The following PSD3 variants were observed in gnomAD, a reference collection of about 807,000 sequenced individuals.
PSD3 encodes the protein PH and SEC7 domain-containing protein 3.
In PSD3, 49 loss-of-function variants were observed where a neutral mutation model predicts 105.5. That is an observed-to-expected ratio of 0.46 (90% confidence interval 0.37 to 0.59). PSD3 has a LOEUF of 0.59. Among genes scored for constraint, PSD3 ranks in the 20% least tolerant of loss-of-function variants. PSD3 has a pLI of 0.00. For missense variants in PSD3, 1,561 were observed against 1,263.8 expected, an observed-to-expected ratio of 1.24 and a Z score of -3.57; for synonymous variants, 557 against 457.8, an observed-to-expected ratio of 1.22 and a Z score of -2.77.
intron 9 of PSD3, among the ~76,000 whole-genome samples, chr8:18,713,889 G>C (rs1460358323): frequency 6.6e-6 from 1 of 152,046 alleles, no homozygotes; most frequent in African/African-American, 2.4e-5. Context: ...TATACTACAA[G>C]TCTACAGTAA....
At chr8:18,852,294 A>T (rs1042594175) in intron 4 of PSD3, among the ~76,000 whole-genome samples, 1 of 152,192 alleles carries the variant, frequency 6.6e-6, no homozygotes, top group African/African-American at 2.4e-5. Flanking sequence ...CAGAGAAGCT[A>T]AGCAGCTTTC....
chr8:18,797,456 A>C (rs1483580735), intron 8 of PSD3, among the ~76,000 whole-genome samples: 2 of 152,184 alleles, frequency 1.3e-5, no homozygotes, highest in Non-Finnish European at 2.9e-5. Context: ...TGCTTCATCT[A>C]ATCTCCTTAC....
At chr8:18,854,948 C>A (rs1036038010) in intron 4 of PSD3, among the ~76,000 whole-genome samples, 2 of 152,194 alleles carry the variant, frequency 1.3e-5, no homozygotes, top group Non-Finnish European at 2.9e-5. Context: ...ACACAGCTGT[C>A]AGACACAGGC....
intron 14 of PSD3, among the ~76,000 whole-genome samples, chr8:18,562,911 A>C (rs1801487453): frequency 5.7e-5 from 1 of 17,556 alleles, no homozygotes; most frequent in Non-Finnish European, 2.3e-4. Context: ...GAAAAAGAAA[A>C]AGAAAAAGAA....
chr8:18,754,606 A>T (rs1805873147), intron 9 of PSD3, among the ~76,000 whole-genome samples: 2 of 152,114 alleles, frequency 1.3e-5, no homozygotes. Flanking sequence ...CAAAAATTTC[A>T]AAGTGAAAAC....
chr8:18,979,221 T>C (rs1241174386), intron 1 of PSD3, among the ~76,000 whole-genome samples: 1 of 152,022 alleles, frequency 6.6e-6, no homozygotes, highest in Non-Finnish European at 1.5e-5. Flanking sequence ...ATTGCAGGCT[T>C]CCAAAATGTC....
chr8:18,776,574 C>A (rs1337424454), intron 8 of PSD3, among the ~76,000 whole-genome samples: 1 of 151,836 alleles, frequency 6.6e-6, no homozygotes, highest in African/African-American at 2.4e-5. Flanking sequence ...GACAGGGTTT[C>A]ACCATATTGG....
intron 9 of PSD3, among the ~76,000 whole-genome samples, chr8:18,703,452 G>A (rs886489825): frequency 1.3e-5 from 2 of 152,160 alleles, no homozygotes; most frequent in African/African-American, 2.4e-5. Flanking sequence ...CTAGGTGGTT[G>A]GACTCTGAGG....
At chr8:18,765,976 AAACC>A (rs1806959447) in intron 8 of PSD3, among the ~76,000 whole-genome samples, 1 of 149,064 alleles carries the variant, frequency 6.7e-6, no homozygotes, top group Non-Finnish European at 1.5e-5. Flanking sequence ...TCAAAAAAAA[AAACC>A]AAAAACAAAA....
chr8:18,621,480 C>T (rs1806105550), intron 11 of PSD3, among the ~76,000 whole-genome samples: 1 of 152,150 alleles, frequency 6.6e-6, no homozygotes, highest in Admixed American at 6.5e-5. Context: ...TGCCAGAAAG[C>T]ATGGATTTTA....
chr8:18,684,519 G>A lies in PSD3; in HGVS notation c.2173-28834C>T, dbSNP rs141593379. Reference sequence around the variant, plus strand: ...TAATTACAGGCTAGTGAAACGATGCGAGACACAAAGGCATCTCAATGATCA... The same window carrying A: ...TAATTACAGGCTAGTGAAACGATGCAAGACACAAAGGCATCTCAATGATCA... On this transcript the variant is annotated intron_variant, in intron 9 of 15. Transcript: ENST00000327040. Among the ~76,000 whole-genome samples the A allele has an allele frequency of 4.6e-3, 700 of 152,232 alleles. 3 individuals carry two copies. The highest frequency in any genetic ancestry group is 0.016 in the African/African-American group (644 of 41,542).
At chr8:18,709,927 T>G (rs984983360) in intron 9 of PSD3, among the ~76,000 whole-genome samples, 8 of 152,020 alleles carry the variant, frequency 5.3e-5, no homozygotes, top group African/African-American at 1.9e-4. Flanking sequence ...AGAAATAGGG[T>G]GCCTCTTCTC....
intron 9 of PSD3, among the ~76,000 whole-genome samples, chr8:18,664,950 C>T (rs768200404): frequency 1.3e-5 from 2 of 152,158 alleles, no homozygotes; most frequent in African/African-American, 2.4e-5. Flanking sequence ...ATTGTCGAGA[C>T]CTATTGCTCA....
chr8:18,912,230 G>T (rs1044748063), intron 2 of PSD3, among the ~76,000 whole-genome samples: 2 of 152,126 alleles, frequency 1.3e-5, no homozygotes, highest in African/African-American at 4.8e-5. Flanking sequence ...ACACCACTGG[G>T]ATTTTGACAA....
chr8:18,602,735 G>C (rs960460054), intron 11 of PSD3, among the ~76,000 whole-genome samples: 3 of 152,066 alleles, frequency 2.0e-5, no homozygotes, highest in African/African-American at 7.2e-5. Flanking sequence ...ACTAAAGTGG[G>C]CTGGGAAGGC....
chr8:18,587,311 G>A (rs1336401057), intron 12 of PSD3, among the ~76,000 whole-genome samples: 5 of 152,122 alleles, frequency 3.3e-5, no homozygotes, highest in Non-Finnish European at 7.4e-5. Flanking sequence ...CTCACTCAAA[G>A]AGCTTGAAAT....
At chr8:18,979,599 C>T (rs919996421) in intron 1 of PSD3, 1 of 152,138 alleles carries the variant, frequency 6.6e-6, no homozygotes, top group Non-Finnish European at 1.5e-5. Flanking sequence ...AAATCATGCT[C>T]TTTAAAATAA....
intron 4 of PSD3, among the ~76,000 whole-genome samples, chr8:18,818,801 T>G (rs1812440462): frequency 1.3e-5 from 2 of 152,186 alleles, no homozygotes; most frequent in African/African-American, 4.8e-5. Context: ...TTTACATTTA[T>G]AATCTTATAT....
At position 18,687,830 on chromosome 8, in the gene PSD3, G is replaced by T. The variant is rs1800746496; in HGVS notation, c.2173-32145C>A. Among the ~76,000 whole-genome samples, 3 of 152,196 alleles carry T rather than the reference G, an allele frequency of 2.0e-5. No individual in the cohort carries two copies. The East Asian group carries it at 5.8e-4, about 29-fold the overall frequency. ...CGCCCAGGCTGGAGTACAGTGGCATGATCTTGGCTGACTGTAACCTCCGCC... is the reference window on the plus strand; with the variant it reads ...CGCCCAGGCTGGAGTACAGTGGCATTATCTTGGCTGACTGTAACCTCCGCC... On this transcript the variant is annotated intron_variant, in intron 9 of 15. Coordinates refer to ENST00000327040, the MANE Select transcript of PSD3 (RefSeq NM_015310.4).
Sources: gnomAD v4.1 joint callset for allele counts (sites outside exome capture counted in the v4.1 genomes callset) on GRCh38, gnomAD v4.1.1 for gene constraint, MANE v1.5 for transcripts, NCBI Gene and HGNC (gene_info 2026-07-23, HGNC 2026-07-21) for gene names.